Variants in RYR3 observed in about 807,000 individuals in gnomAD.
RYR3 encodes ryanodine receptor 3, also known as brain ryanodine receptor-calcium release channel.
Under a neutral mutation model 584.3 loss-of-function variants are expected in RYR3, and 207 were observed. The observed-to-expected ratio is 0.35, with a 90% CI of 0.32 to 0.40. RYR3 has a LOEUF of 0.40. Among genes scored for constraint, RYR3 ranks in the 10% least tolerant of loss-of-function variants. RYR3 has a pLI of 1.00. For synonymous variants in RYR3, 2,416 were observed against 2,248.5 expected, an observed-to-expected ratio of 1.07 and a Z score of -2.11; for missense variants, 5,616 against 6,089.2, an observed-to-expected ratio of 0.92 and a Z score of 2.59.
intron 2 of RYR3, among the ~76,000 whole-genome samples, chr15:33,502,204 C>T (rs536535821): frequency 3.3e-5 from 5 of 152,014 alleles, no homozygotes; most frequent in South Asian, 2.1e-4. Context: ...TCCAGCAGGC[C>T]GATTATCTTA....
At chr15:33,805,906 C>T (rs1278107490) in intron 69 of RYR3, among the ~76,000 whole-genome samples, 1 of 151,592 alleles carries the variant, frequency 6.6e-6, no homozygotes, top group African/African-American at 2.4e-5. Context: ...CTTCTCCTCT[C>T]CCCCTCCCCT....
At chr15:33,572,859 A>G (rs546920332) in intron 12 of RYR3, among the ~76,000 whole-genome samples, 2 of 152,264 alleles carry the variant, frequency 1.3e-5, no homozygotes, top group East Asian at 1.9e-4. Flanking sequence ...CTGTAATGCC[A>G]GCTACTGAGG....
intron 1 of RYR3, among the ~76,000 whole-genome samples, chr15:33,359,358 G>A (rs1300696881): frequency 2.0e-5 from 3 of 152,158 alleles, no homozygotes; most frequent in Non-Finnish European, 4.4e-5. Context: ...GCCCCTGTGT[G>A]TCTTTATTTT....
In RYR3 at chr15:33,662,939, C is replaced by T; in HGVS notation, c.5409C>T (p.Val1803=). The part of the protein sequence containing the change: ...GLLQTRLPES[V]KLQMCELLSY... ...TGCAGACTCGATTACCCGAATCCGT[C>T]AAGCTGCAGGTAAGCTGCAGGTGGT... Residue 1803 remains valine, a synonymous_variant, in exon 35 of 104, where the codon GTC becomes GTT. Transcript: ENST00000634891. The T allele has an allele frequency of 6.2e-7, 1 of 1,611,694 alleles. No individual in the cohort carries two copies. Among genetic ancestry groups the T allele is most frequent in the Non-Finnish European group, 8.5e-7 (1 of 1,178,916 alleles).
chr15:33,403,292 A>G (rs1403655739), intron 1 of RYR3, among the ~76,000 whole-genome samples: 1 of 152,236 alleles, frequency 6.6e-6, no homozygotes, highest in Non-Finnish European at 1.5e-5. Context: ...CTCTGGGCCA[A>G]TACCTTTAGT....
chr15:33,311,974 G>C lies in RYR3; in HGVS notation c.51+878G>C, dbSNP rs1967384632. On this transcript the variant is annotated intron_variant, in intron 1 of 103. Coordinates refer to ENST00000634891, the MANE Select transcript of RYR3 (RefSeq NM_001036.6). The surrounding 1 kb of genome is among the most constrained non-coding windows in gnomAD (Gnocchi z 4.4). ...GGGGGCATTGGGGATGCATCCTAGC[G>C]CTGACTTCAGCCAAGTGACCTTGAG... Among the ~76,000 whole-genome samples the C allele has an allele frequency of 6.6e-6, 1 of 152,226 alleles. No individual in the cohort carries two copies. Among genetic ancestry groups the C allele is most frequent in the Non-Finnish European group, 1.5e-5 (1 of 68,044 alleles).
intron 40 of RYR3, among the ~76,000 whole-genome samples, chr15:33,699,060 GA>G (rs1392414465): frequency 6.6e-6 from 1 of 152,116 alleles, no homozygotes; most frequent in Non-Finnish European, 1.5e-5. Flanking sequence ...AAGTGCTATG[GA>G]ATCCCATAGA....
chr15:33,379,396 C>T (rs10438372), intron 1 of RYR3, among the ~76,000 whole-genome samples: 12,575 of 152,092 alleles, frequency 0.083, 1,119 homozygotes, highest in African/African-American at 0.23. Flanking sequence ...GACATTGGAA[C>T]TGGGCATTTG....
rs570128182 is a variant in RYR3 at position 33,438,029 on chromosome 15, A to G, written c.52-35390A>G. ...GATAAATTGTATATATTTATTGTGT[A>G]TTATTGTATTTCTCTCTCTCCTCTT... On this transcript the variant is annotated intron_variant, in intron 1 of 103. Transcript: ENST00000634891. 3.9e-5 allele frequency among the ~76,000 whole-genome samples: 6 copies of G among 152,116 alleles called. No individual in the cohort carries two copies. In the South Asian group the frequency reaches 8.3e-4, roughly 21 times the overall value.
chr15:33,414,623 T>C (rs1305801875), intron 1 of RYR3, among the ~76,000 whole-genome samples: 5 of 152,166 alleles, frequency 3.3e-5, no homozygotes, highest in Non-Finnish European at 7.3e-5. Flanking sequence ...TTATTTTTTT[T>C]GGATGGAGTC....
intron 75 of RYR3, among the ~76,000 whole-genome samples, 183 bp from the exon 76 acceptor site, chr15:33,818,395 T>G (rs1248932713): frequency 6.6e-6 from 1 of 152,246 alleles, no homozygotes; most frequent in African/African-American, 2.4e-5. Context: ...TATACACATG[T>G]ATCTCAAACC....
At chr15:33,472,294 C>G (rs1202924233) in intron 1 of RYR3, among the ~76,000 whole-genome samples, 1 of 152,204 alleles carries the variant, frequency 6.6e-6, no homozygotes, top group Non-Finnish European at 1.5e-5. Flanking sequence ...GCTTCGCACT[C>G]TCACCAGGTG....
intron 73 of RYR3, 70 bp downstream of exon 73, chr15:33,813,064 C>T (rs982115904): frequency 3.2e-5 from 50 of 1,584,152 alleles, no homozygotes; most frequent in Non-Finnish European, 4.2e-5. Context: ...CCCCTCCACA[C>T]TCAGCATTCA....
At chr15:33,631,509 C>T (rs954061494) in intron 23 of RYR3, among the ~76,000 whole-genome samples, 1 of 152,162 alleles carries the variant, frequency 6.6e-6, no homozygotes, top group African/African-American at 2.4e-5. Context: ...TCCACCTGGA[C>T]CTCACACTAA....
At chr15:33,857,016 C>T (rs769420547) in intron 98 of RYR3, among the ~76,000 whole-genome samples, 5 of 152,152 alleles carry the variant, frequency 3.3e-5, no homozygotes, top group Non-Finnish European at 2.9e-5. Flanking sequence ...CCTCAGGTAA[C>T]AGCTAGCTCT....
chr15:33,421,832 CA>C (rs534396121), intron 1 of RYR3, among the ~76,000 whole-genome samples: 128 of 152,208 alleles, frequency 8.4e-4, no homozygotes, highest in Non-Finnish European at 1.5e-3. Context: ...ACCCAATTGT[CA>C]GATGTAGAAG....
At chr15:33,806,444 A>G (rs910896234) in intron 69 of RYR3, among the ~76,000 whole-genome samples, 3 of 151,982 alleles carry the variant, frequency 2.0e-5, no homozygotes, top group African/African-American at 7.2e-5. Flanking sequence ...CTTGAGGCCG[A>G]GAGTTCAATA....
chr15:33,586,512 AGT>A (rs755231367), intron 16 of RYR3, among the ~76,000 whole-genome samples: 3 of 152,236 alleles, frequency 2.0e-5, no homozygotes, highest in Non-Finnish European at 2.9e-5. Flanking sequence ...GATTTAAAAC[AGT>A]GTAGAAAGTC....
At chr15:33,510,105 C>T (rs1434709540) in intron 3 of RYR3, among the ~76,000 whole-genome samples, 1 of 152,328 alleles carries the variant, frequency 6.6e-6, no homozygotes, top group South Asian at 2.1e-4. Context: ...CTTGTCGAAA[C>T]CTGCGCTTTA....
Sources: gnomAD v4.1 joint callset for allele counts (sites outside exome capture counted in the v4.1 genomes callset) on GRCh38, gnomAD v4.1.1 for gene constraint, Gnocchi (gnomAD v3.1) non-coding constraint, MANE v1.5 for transcripts, NCBI Gene and HGNC (gene_info 2026-07-23, HGNC 2026-07-21) for gene names.